MIA3: variants seen among roughly 807,000 people sequenced by gnomAD.
MIA3 encodes MIA SH3 domain ER export factor 3.
In MIA3, 90 loss-of-function variants were observed where a neutral mutation model predicts 192.4. The ratio of observed to expected loss-of-function variants is 0.47; its 90% confidence interval spans 0.39 to 0.56. The LOEUF (loss-of-function observed/expected upper bound fraction) is 0.56. Among genes scored for constraint, MIA3 ranks in the 20% least tolerant of loss-of-function variants. The pLI is 0.00. For missense variants in MIA3, 2,123 were observed against 2,269.4 expected (o/e 0.94, Z 1.31); for synonymous variants, 740 against 792.8 (o/e 0.93, Z 1.12).
intron 6 of MIA3, among the ~76,000 whole-genome samples, chr1:222,642,355 T>TA (rs148546540): frequency 5.9e-5 from 9 of 152,016 alleles, no homozygotes; most frequent in African/African-American, 1.2e-4. Flanking sequence ...CTCTACCTTT[T>TA]AAAAAAAATG....
In MIA3 at chr1:222,661,507, C is replaced by CAATA. The variant is rs377562372; in HGVS notation, c.5114-548_5114-545dup. The stretch of plus-strand genomic sequence containing the variant: ...TTATGTTATTGGTAAGGCTTCTGGT[C>CAATA]AATAGTAGGCTATTTACTAGTAGGT... On this transcript the variant is annotated intron_variant, in intron 24 of 27. Transcript: ENST00000344922. 6.5e-4 allele frequency: 100 copies of CAATA among 153,868 alleles called. 1 individual carries two copies. The East Asian group carries it at 0.014, about 22-fold the overall frequency. 9.5% of individuals were successfully genotyped at this position (153,868 alleles called of 1,614,324 possible). A position where few individuals can be genotyped will look rare whatever the true frequency, so the allele number is the denominator to read the frequency against.
chr1:222,651,888 C>T lies in MIA3; in HGVS notation c.3910-89C>T, dbSNP rs575850764. 5.8e-5 allele frequency: 47 copies of T among 806,962 alleles called. No individual in the cohort carries two copies. In the East Asian group the frequency reaches 8.3e-4, roughly 14 times the overall value. The allele number at this position is 806,962 out of a possible 1,614,324, so 50.0% of individuals were successfully genotyped here. The stretch of plus-strand genomic sequence containing the variant: ...ACATAGGGGATGGCTCTGGGACATA[C>T]TTTGTTGATGTTTCTTCTTCTTAGT... On this transcript the variant is annotated intron_variant, in intron 11 of 27. Transcript: ENST00000344922.
rs530474373 is a variant in MIA3 at position 222,650,294 on chromosome 1, A to C, written c.3634A>C (p.Thr1212Pro). 8 of 1,594,002 alleles carry C rather than the reference A, an allele frequency of 5.0e-6. No homozygotes were observed. In the South Asian group the frequency reaches 7.8e-5, roughly 16 times the overall value. Residue 1212 changes from threonine to proline, a missense_variant and splice_region_variant, in exon 9 of 28, where the codon ACG (threonine) becomes CCG (proline). Transcript: ENST00000344922. ...LVVKDRVYQVTEQQISEKLKT... is the reference protein window; with the variant it reads ...LVVKDRVYQVPEQQISEKLKT... Reference sequence around the variant, plus strand: ...TTATTATTTTTTTCTTTTTTCAGTCACGGAACAGCAAATTTCTGAGAAGTT... The same window carrying C: ...TTATTATTTTTTTCTTTTTTCAGTCCCGGAACAGCAAATTTCTGAGAAGTT...
At chr1:222,654,842 A>G in intron 18 of MIA3, 49 bp downstream of exon 18, 1 of 1,463,620 alleles carries the variant, frequency 6.8e-7, no homozygotes, top group Non-Finnish European at 9.5e-7. Flanking sequence ...GTCAGTAAAT[A>G]AATGTGTACT....
At position 222,630,341 on chromosome 1, in the gene MIA3, C is replaced by T; in HGVS notation, c.3121C>T (p.Leu1041=). 1.2e-6 allele frequency: 2 copies of T among 1,613,542 alleles called. No individual in the cohort carries two copies. Among genetic ancestry groups the T allele is most frequent in the Non-Finnish European group, 8.5e-7 (1 of 1,179,704 alleles). Residue 1041 remains leucine (L), a synonymous_variant, in exon 4 of 28, where the codon CTG becomes TTG. Transcript: ENST00000344922. ...KHSTAEETAT[L]VMAPPLEEGL... ...CTCCACAGCAGAGGAGACAGCCACA[C>T]TGGTGATGGCACCACCTCTAGAGGA...
chr1:222,660,402 C>T (rs762673559), intron 24 of MIA3, 88 bp downstream of exon 24: 28 of 1,391,964 alleles, frequency 2.0e-5, no homozygotes, highest in South Asian at 4.5e-5. Flanking sequence ...CTTTAGAATT[C>T]GGGTCTGTCC....
intron 18 of MIA3, among the ~76,000 whole-genome samples, chr1:222,655,930 C>T (rs1033709119): frequency 2.7e-5 from 4 of 148,516 alleles, no homozygotes; most frequent in African/African-American, 9.9e-5. Context: ...TGCCAGTCCC[C>T]TAGCTAATCA....
chr1:222,665,576 G>A lies in MIA3; in HGVS notation c.5681G>A (p.Ser1894Asn). The change falls in exon 28 of 28, where the codon AGC (serine) becomes AAC (asparagine). Residue 1894 changes from serine (S) to asparagine (N), a missense_variant. Physicochemically the swap from Ser to Asn is conservative, Grantham distance 46. Transcript: ENST00000344922. Reference protein sequence around the residue: ...SRDEPPPASQSTSQDCSQALK... With the variant: ...SRDEPPPASQNTSQDCSQALK... ...GATGAGCCTCCACCTGCCTCTCAGA[G>A]CACTAGCCAGGACTGTTCACAGGCT... 6.2e-7 allele frequency: 1 copy of A among 1,613,698 alleles called. No homozygotes were observed. The highest frequency in any genetic ancestry group is 1.1e-5 in the South Asian group (1 of 91,022).
chr1:222,622,341 G>T (rs1264971022), intron 2 of MIA3, among the ~76,000 whole-genome samples: 1 of 152,180 alleles, frequency 6.6e-6, no homozygotes. Context: ...TTTAGAAAGC[G>T]TGATATGTGG....
At chr1:222,653,907 G>A (rs1168971083) in intron 15 of MIA3, among the ~76,000 whole-genome samples, 1 of 152,208 alleles carries the variant, frequency 6.6e-6, no homozygotes, top group African/African-American at 2.4e-5. Flanking sequence ...TGTGTAGTGG[G>A]TGTTTTAAAC....
At chr1:222,622,735 T>A (rs1003189526) in intron 2 of MIA3, among the ~76,000 whole-genome samples, 4 of 152,212 alleles carry the variant, frequency 2.6e-5, no homozygotes. Flanking sequence ...AAAGTTAAGT[T>A]TTTTTTTCCA....
chr1:222,631,767 C>A (rs1662407435), intron 4 of MIA3, among the ~76,000 whole-genome samples: 2 of 152,150 alleles, frequency 1.3e-5, no homozygotes. Context: ...ATGTCCCTGT[C>A]TGTACTAGTT....
chr1:222,619,758 A>C (rs2102708204), intron 1 of MIA3, among the ~76,000 whole-genome samples: 1 of 152,350 alleles, frequency 6.6e-6, no homozygotes, highest in Middle Eastern at 3.4e-3. Flanking sequence ...CACGGTTGTA[A>C]CATAACTTGA....
intron 2 of MIA3, among the ~76,000 whole-genome samples, chr1:222,624,536 A>G (rs1243308803): frequency 6.6e-6 from 1 of 152,128 alleles, no homozygotes; most frequent in Non-Finnish European, 1.5e-5. Flanking sequence ...GTTCTCATGT[A>G]TTTTTTGTGT....
chr1:222,664,196 T>C (rs766934717), intron 27 of MIA3, 48 bp downstream of exon 27: 2 of 1,595,492 alleles, frequency 1.3e-6, no homozygotes, highest in Non-Finnish European at 1.7e-6. Flanking sequence ...CACATTCATC[T>C]TCTCCATCTA....
At position 222,629,060 on chromosome 1, in the gene MIA3, C is replaced by T; in HGVS notation, c.1840C>T (p.Gln614Ter). 3 of 1,614,160 alleles carry T rather than the reference C, an allele frequency of 1.9e-6. No individual in the cohort carries two copies. Among genetic ancestry groups the T allele is most frequent in the Non-Finnish European group, 2.5e-6 (3 of 1,180,034 alleles). Residue 614 changes from glutamine to a stop codon, truncating the protein, a stop_gained, in exon 4 of 28, where the codon CAA (glutamine) becomes TAA (stop). Coordinates refer to ENST00000344922, the MANE Select transcript of MIA3 (RefSeq NM_198551.4). LOFTEE classifies it high-confidence loss of function. ...AKLHTLSVEH[Q>*]REELKEELVL... ...ACTGCACACGCTTTCAGTGGAGCAT[C>T]AACGTGAGGAATTGAAAGAGGAATT...
chr1:222,630,121 G>A lies in MIA3; in HGVS notation c.2901G>A (p.Leu967=), dbSNP rs1221496346. The A allele has an allele frequency of 3.1e-6, 5 of 1,614,114 alleles. No individual in the cohort carries two copies. Among genetic ancestry groups the A allele is most frequent in the Admixed American group, 1.7e-5 (1 of 60,008 alleles). Residue 967 remains leucine (L), a synonymous_variant, in exon 4 of 28, where the codon CTG becomes CTA. Coordinates refer to ENST00000344922, the MANE Select transcript of MIA3 (RefSeq NM_198551.4). ...SKLKSAQQES[L]PYNMEKVLDK... ...TGAAGTCAGCGCAGCAGGAGAGCCT[G>A]CCCTATAATATGGAAAAAGTCCTAG... is the stretch of plus-strand genomic sequence containing the variant.
In MIA3 at chr1:222,650,879, A is replaced by G; in HGVS notation, c.3885A>G (p.Glu1295=). ...GTGTTATGCTAGAATCTGAGAGAGA[A>G]CAGAATGTCAAGAATCAGGACTTGG... is the stretch of plus-strand genomic sequence containing the variant. ...NLRVMLESER[E]QNVKNQDLIS... is the part of the protein sequence containing the mutation. The change falls in exon 11 of 28, where the codon GAA becomes GAG. Residue 1295 remains glutamate, a synonymous_variant. Transcript: ENST00000344922. The G allele has an allele frequency of 6.2e-7, 1 of 1,603,114 alleles. No homozygotes were observed. Among genetic ancestry groups the G allele is most frequent in the African/African-American group, 1.3e-5 (1 of 74,430 alleles).
intron 6 of MIA3, among the ~76,000 whole-genome samples, chr1:222,638,010 A>G (rs1662705859): frequency 6.6e-6 from 1 of 152,120 alleles, no homozygotes; most frequent in Non-Finnish European, 1.5e-5. Flanking sequence ...TCAATTTACA[A>G]TTATAATTGG....
Sources: allele counts gnomAD v4.1 joint callset (sites outside exome capture counted in the v4.1 genomes callset), GRCh38; gene constraint gnomAD v4.1.1; transcripts MANE v1.5; gene names NCBI Gene and HGNC (gene_info 2026-07-23, HGNC 2026-07-21).